The following CMSS1 variants were observed in gnomAD, a reference collection of about 807,000 sequenced individuals.
CMSS1 encodes protein CMSS1.
Under a neutral mutation model 43.5 loss-of-function variants are expected in CMSS1, and 33 were observed. The ratio of observed to expected loss-of-function variants is 0.76; its 90% CI spans 0.57 to 1.01. CMSS1 has a LOEUF of 1.01. Ranked by LOEUF, CMSS1 falls within the 50% of genes least tolerant of loss-of-function variation. The pLI, the probability that CMSS1 is intolerant of heterozygous loss-of-function variation, is 0.00. For missense variants in CMSS1, 313 were observed against 326.4 expected (o/e 0.96, Z 0.32); for synonymous variants, 115 against 117.2 (o/e 0.98, Z 0.12).
At chr3:99,910,972 G>C (rs1207456402) in intron 1 of CMSS1, among the ~76,000 whole-genome samples, 3 of 152,118 alleles carry the variant, frequency 2.0e-5, no homozygotes, top group Non-Finnish European at 4.4e-5. Context: ...CAGAGCTCAG[G>C]TTACAGTTGA....
At chr3:99,988,527 AAAAG>A (rs1553703280) in intron 1 of CMSS1, among the ~76,000 whole-genome samples, 1 of 130,214 alleles carries the variant, frequency 7.7e-6, no homozygotes, top group Non-Finnish European at 1.6e-5. Flanking sequence ...AAAAAAAAAA[AAAAG>A]AAAGAAAAGG....
chr3:99,924,143 A>G (rs1396993331), intron 1 of CMSS1: 2 of 1,088,416 alleles, frequency 1.8e-6, no homozygotes, highest in Non-Finnish European at 2.7e-6. Context: ...AGACTGTGTC[A>G]TATTTATCTT....
In CMSS1 at chr3:99,948,651, AAG is replaced by A. The variant is rs202143454; in HGVS notation, c.64+130611_64+130612del. 6.7e-3 allele frequency among the ~76,000 whole-genome samples: 1,000 copies of A among 148,248 alleles called. 3 individuals carry two copies. Among genetic ancestry groups the A allele is most frequent in the African/African-American group, 8.1e-3 (327 of 40,162 alleles). On this transcript the variant is annotated intron_variant, in intron 1 of 9. Transcript: ENST00000421999. Reference sequence around the variant, plus strand: ...GAAGGAGGAGGAGGAGGGAGAAAGAAAGAGGGGAAGGGAAGGGAAAGAGGAAG... The same window carrying A: ...GAAGGAGGAGGAGGAGGGAGAAAGAAAGGGGAAGGGAAGGGAAAGAGGAAG...
chr3:99,849,715 T>C, intron 1 of CMSS1: 1 of 1,613,826 alleles, frequency 6.2e-7, no homozygotes, highest in Admixed American at 1.7e-5. Context: ...CTCATATTCA[T>C]CTTCTGTTTT....
At chr3:99,889,049 G>A (rs1706001622) in intron 1 of CMSS1, among the ~76,000 whole-genome samples, 2 of 152,006 alleles carry the variant, frequency 1.3e-5, no homozygotes, top group African/African-American at 4.8e-5. Flanking sequence ...GTTACTTTTT[G>A]TTCAGGTTCT....
chr3:99,968,529 T>G (rs1000375852), intron 1 of CMSS1, among the ~76,000 whole-genome samples: 22 of 151,902 alleles, frequency 1.4e-4, no homozygotes, highest in African/African-American at 5.3e-4. Context: ...TAATCTGGGC[T>G]GGAAATACAG....
At chr3:99,991,858 A>G (rs7635678) in intron 1 of CMSS1, among the ~76,000 whole-genome samples, 133 of 111,124 alleles carry the variant, frequency 1.2e-3, no homozygotes, top group African/African-American at 3.3e-3. Flanking sequence ...GTGTGTGTGT[A>G]TGTGTATATA....
intron 1 of CMSS1, among the ~76,000 whole-genome samples, chr3:100,063,631 AT>A (rs1219662377): frequency 1.3e-5 from 2 of 152,190 alleles, no homozygotes; most frequent in African/African-American, 4.8e-5. Flanking sequence ...TATTTTAAGG[AT>A]TATTTTAATC....
intron 1 of CMSS1, among the ~76,000 whole-genome samples, chr3:100,062,093 C>CTTTTTTTTTTTTTTTTTTTTTTTTTT (rs71907944): frequency 1.9e-5 from 1 of 53,154 alleles, no homozygotes; most frequent in Non-Finnish European, 3.4e-5. Context: ...CTGTCTTCTT[C>CTTTTTTTTTTTTTTTTTTTTTTTTTT]TTTTTTTTTT....
intron 1 of CMSS1, chr3:99,833,355 C>T (rs1350876477): frequency 9.3e-7 from 1 of 1,074,642 alleles, no homozygotes; most frequent in South Asian, 1.4e-5. Context: ...TCAAAAGAAA[C>T]CTAGCAATCT....
chr3:100,009,747 G>C (rs1337628324), intron 1 of CMSS1, among the ~76,000 whole-genome samples: 1 of 152,220 alleles, frequency 6.6e-6, no homozygotes, highest in Non-Finnish European at 1.5e-5. Flanking sequence ...ATATTTGAAA[G>C]TCTGCAGCTT....
At chr3:99,896,271 T>C (rs1706249550) in intron 1 of CMSS1, among the ~76,000 whole-genome samples, 1 of 152,150 alleles carries the variant, frequency 6.6e-6, no homozygotes, top group African/African-American at 2.4e-5. Flanking sequence ...ATGGAAACTA[T>C]AGGAGGAAAA....
At chr3:100,037,939 CTT>C (rs150366639) in intron 1 of CMSS1, among the ~76,000 whole-genome samples, 6 of 118,178 alleles carry the variant, frequency 5.1e-5, no homozygotes, top group Non-Finnish European at 8.3e-5. Context: ...AATCGCTTTT[CTT>C]TTTTTTTTTT....
intron 1 of CMSS1, among the ~76,000 whole-genome samples, chr3:100,071,228 G>A (rs2065758384): frequency 6.6e-6 from 1 of 150,738 alleles, no homozygotes; most frequent in African/African-American, 2.4e-5. Flanking sequence ...ATTTTATCCT[G>A]ATTTTCTCTT....
At chr3:100,022,294 C>T (rs1206049130) in intron 1 of CMSS1, among the ~76,000 whole-genome samples, 1 of 152,188 alleles carries the variant, frequency 6.6e-6, no homozygotes, top group African/African-American at 2.4e-5. Flanking sequence ...CTCCACTCCA[C>T]CACCACCCTA....
chr3:99,840,306 C>T (rs1354672987), intron 1 of CMSS1, among the ~76,000 whole-genome samples: 1 of 149,530 alleles, frequency 6.7e-6, no homozygotes, highest in Non-Finnish European at 1.5e-5. Flanking sequence ...TCACTGCAAC[C>T]TCTGCCTCCC....
chr3:100,149,472 AAT>A (rs1330887205), intron 2 of CMSS1, among the ~76,000 whole-genome samples: 1 of 152,192 alleles, frequency 6.6e-6, no homozygotes, highest in Admixed American at 6.5e-5. Flanking sequence ...GCAAAAAAAT[AAT>A]TACAAAACCT....
chr3:100,068,167 T>C (rs1017968), intron 1 of CMSS1, among the ~76,000 whole-genome samples: 27,697 of 152,254 alleles, frequency 0.18, 2,912 homozygotes, highest in South Asian at 0.25. Context: ...AATACCATTG[T>C]TTGCATGTCA....
intron 1 of CMSS1, among the ~76,000 whole-genome samples, chr3:99,957,764 T>C (rs537648338): frequency 6.9e-6 from 1 of 144,070 alleles, no homozygotes; most frequent in African/African-American, 2.6e-5. Context: ...AAAACACAGG[T>C]TCCATTCAGT....
Sources: allele counts gnomAD v4.1 joint callset (sites outside exome capture counted in the v4.1 genomes callset), GRCh38; gene constraint gnomAD v4.1.1; transcripts MANE v1.5; gene names NCBI Gene and HGNC (gene_info 2026-07-23, HGNC 2026-07-21).